Variants in PCNX2 observed in about 807,000 individuals in gnomAD.
PCNX2 encodes pecanex 2.
A neutral mutation model predicts 223.8 loss-of-function variants in PCNX2; 168 were observed. That is an observed-to-expected ratio of 0.75 (90% confidence interval 0.66 to 0.85). PCNX2 has a LOEUF of 0.85. Among genes scored for constraint, PCNX2 ranks in the 40% least tolerant of loss-of-function variants. PCNX2 has a pLI of 0.00. For missense variants in PCNX2, 2,507 were observed against 2,675.5 expected (o/e 0.94, Z 1.39); for synonymous variants, 1,006 against 1,052.6 (o/e 0.96, Z 0.86).
intron 23 of PCNX2, among the ~76,000 whole-genome samples, chr1:233,082,518 C>T (rs977237047): frequency 6.6e-6 from 1 of 152,160 alleles, no homozygotes; most frequent in East Asian, 1.9e-4. Flanking sequence ...GCAAACGTAT[C>T]CAAATAAATT....
intron 21 of PCNX2, among the ~76,000 whole-genome samples, chr1:233,111,252 A>C (rs1675098784): frequency 6.6e-6 from 1 of 152,192 alleles, no homozygotes; most frequent in South Asian, 2.1e-4. Flanking sequence ...TCATCTGCAC[A>C]GCAGACTGGT....
At chr1:233,325,422 G>A in the PCNX2 span, among the ~76,000 whole-genome samples, 2 of 151,622 alleles carry the variant, frequency 1.3e-5, no homozygotes, top group Admixed American at 1.3e-4. Flanking sequence ...ACTTTGGGAG[G>A]CCGAGGGGGG....
intron 10 of PCNX2, among the ~76,000 whole-genome samples, chr1:233,223,685 T>C (rs991731372): frequency 1.3e-5 from 2 of 152,150 alleles, no homozygotes; most frequent in Non-Finnish European, 2.9e-5. Flanking sequence ...ATTGTTCAAC[T>C]CCCACTTATG....
At chr1:233,254,666 T>G (rs900491475) in intron 5 of PCNX2, among the ~76,000 whole-genome samples, 3 of 151,584 alleles carry the variant, frequency 2.0e-5, no homozygotes, top group African/African-American at 7.3e-5. Flanking sequence ...CAATTTGATA[T>G]ATATCACACC....
intron 28 of PCNX2, among the ~76,000 whole-genome samples, chr1:233,006,898 A>G (rs1670305489): frequency 6.6e-6 from 1 of 152,038 alleles, no homozygotes; most frequent in South Asian, 2.1e-4. Context: ...GTGTGTGCCC[A>G]TCTACCTTAG....
chr1:233,108,053 T>C (rs1035641870), intron 21 of PCNX2, among the ~76,000 whole-genome samples: 3 of 152,176 alleles, frequency 2.0e-5, no homozygotes, highest in Non-Finnish European at 4.4e-5. Context: ...AGTTACCCTA[T>C]ATGGTCTAAA....
At chr1:233,210,789 T>C (rs1260015493) in intron 12 of PCNX2, among the ~76,000 whole-genome samples, 1 of 152,186 alleles carries the variant, frequency 6.6e-6, no homozygotes, top group African/African-American at 2.4e-5. Flanking sequence ...CCATCTGCTT[T>C]TAACCTTAAA....
Position 233,054,374 on chromosome 1 carries a change from A to C in PCNX2, c.4245T>G (p.Ser1415=). ...CTGAAGCCAAAATAAAGCAATCGCC[A>C]GAGCTGTAGTTGCCCCAACGTCCAA... ...LVLGRWGNYS[S]GDCFILASDD... is the part of the protein sequence containing the mutation. Residue 1415 remains serine, a synonymous_variant, in exon 25 of 34, where the codon TCT becomes TCG. Coordinates refer to ENST00000258229, the MANE Select transcript of PCNX2 (RefSeq NM_014801.4). 1 of 1,613,954 alleles carries C rather than the reference A, an allele frequency of 6.2e-7. No homozygotes were observed. Among genetic ancestry groups the C allele is most frequent in the Non-Finnish European group, 8.5e-7 (1 of 1,179,862 alleles).
intron 7 of PCNX2, among the ~76,000 whole-genome samples, chr1:233,251,305 G>A (rs946004519): frequency 5.9e-5 from 9 of 152,194 alleles, no homozygotes; most frequent in African/African-American, 2.2e-4. Flanking sequence ...CAACTGTGCA[G>A]ATGAGCAAGT....
intron 10 of PCNX2, 143 bp downstream of exon 10, chr1:233,227,083 T>G: frequency 2.2e-6 from 2 of 905,312 alleles, no homozygotes; most frequent in Non-Finnish European, 1.5e-6. Context: ...AGGATCTTTT[T>G]GCTTTAACTT....
At chr1:233,009,590 T>C (rs1327433771) in intron 28 of PCNX2, among the ~76,000 whole-genome samples, 1 of 152,256 alleles carries the variant, frequency 6.6e-6, no homozygotes, top group African/African-American at 2.4e-5. Context: ...ACTACTATTG[T>C]CTGGTGCAAA....
At chr1:233,125,286 G>A (rs572540805) in intron 21 of PCNX2, among the ~76,000 whole-genome samples, 1 of 152,090 alleles carries the variant, frequency 6.6e-6, no homozygotes, top group Admixed American at 6.5e-5. Context: ...TGTTTCACGG[G>A]TCACTTCTCA....
Position 232,984,299 on chromosome 1 carries a change from G to T in PCNX2, c.*5C>A, listed in dbSNP as rs759496759. The T allele has an allele frequency of 5.0e-6, 8 of 1,594,236 alleles. No homozygotes were observed. The African/African-American group carries it at 6.7e-5, about 13-fold the overall frequency. ...AGCCAGCCTCCCCGCCCGGCCGCAC[G>T]CCCGTCACTGCTCGTCTGACACACT... On this transcript the variant is annotated 3_prime_UTR_variant, in exon 34 of 34. Transcript: ENST00000258229.
chr1:232,985,250 T>C (rs1366443638), intron 33 of PCNX2: 1 of 152,148 alleles, frequency 6.6e-6, no homozygotes, highest in Non-Finnish European at 1.5e-5. Flanking sequence ...GGAGAGCTGT[T>C]TCCCATGAAG....
chr1:233,102,703 ATTG>A (rs1463800874), intron 21 of PCNX2, among the ~76,000 whole-genome samples: 3 of 152,086 alleles, frequency 2.0e-5, no homozygotes, highest in African/African-American at 4.8e-5. Context: ...CCATTTCTAA[ATTG>A]TTATTAATTT....
At chr1:233,246,669 C>G (rs571124416) in intron 8 of PCNX2, among the ~76,000 whole-genome samples, 1 of 152,166 alleles carries the variant, frequency 6.6e-6, no homozygotes, top group African/African-American at 2.4e-5. Context: ...CACATGGGAA[C>G]ACAGGGGTAA....
intron 1 of PCNX2, chr1:233,291,913 C>A: frequency 3.0e-6 from 3 of 985,326 alleles, no homozygotes; most frequent in Non-Finnish European, 3.6e-6. Flanking sequence ...AGAATCATGC[C>A]CATATGCCCC....
chr1:233,221,314 A>T (rs1657364985), intron 10 of PCNX2, among the ~76,000 whole-genome samples: 2 of 152,088 alleles, frequency 1.3e-5, no homozygotes, highest in East Asian at 3.9e-4. Flanking sequence ...AGGTCCATGA[A>T]ATTCATGATC....
At chr1:233,048,314 G>A (rs12078413) in intron 25 of PCNX2, among the ~76,000 whole-genome samples, 39,723 of 152,042 alleles carry the variant, frequency 0.26, 6,858 homozygotes, top group African/African-American at 0.49. Context: ...AAAAATAGCT[G>A]AGTGTGGTGG....
Sources: allele counts gnomAD v4.1 joint callset (sites outside exome capture counted in the v4.1 genomes callset), GRCh38; gene constraint gnomAD v4.1.1; transcripts MANE v1.5; gene names NCBI Gene and HGNC (gene_info 2026-07-23, HGNC 2026-07-21).